CYP19A1: variants seen among roughly 807,000 people sequenced by gnomAD.
CYP19A1 encodes the protein cytochrome P450 family 19 subfamily A member 1, also known as aromatase.
A neutral mutation model predicts 44.4 loss-of-function variants in CYP19A1; 32 were observed. That is an observed-to-expected ratio of 0.72 (90% confidence interval 0.54 to 0.97). CYP19A1 has a LOEUF of 0.97. Ranked by LOEUF, CYP19A1 falls within the 50% of genes least tolerant of loss-of-function variation. CYP19A1 has a pLI of 0.00. For synonymous variants in CYP19A1, 212 were observed against 215.6 expected (o/e 0.98, Z 0.14); for missense variants, 598 against 637.8 (o/e 0.94, Z 0.67).
intron 1 of CYP19A1, among the ~76,000 whole-genome samples, chr15:51,323,528 GA>G (rs1296160770): frequency 6.6e-6 from 1 of 151,422 alleles, no homozygotes; most frequent in Non-Finnish European, 1.5e-5. Flanking sequence ...GTGGTCTTGG[GA>G]AATTTATTTA....
At chr15:51,288,987 G>T (rs935921705) in intron 1 of CYP19A1, among the ~76,000 whole-genome samples, 2 of 152,226 alleles carry the variant, frequency 1.3e-5, no homozygotes, top group Non-Finnish European at 1.5e-5. Flanking sequence ...CCTTCTTGCA[G>T]TGCCAAGAGA....
At chr15:51,320,551 A>G (rs2036509944) in intron 1 of CYP19A1, among the ~76,000 whole-genome samples, 1 of 152,212 alleles carries the variant, frequency 6.6e-6, no homozygotes, top group East Asian at 1.9e-4. Context: ...AGACACTGGC[A>G]ATTTCTGAAG....
intron 1 of CYP19A1, among the ~76,000 whole-genome samples, chr15:51,281,936 G>A (rs1358075593): frequency 6.6e-6 from 1 of 152,122 alleles, no homozygotes; most frequent in Non-Finnish European, 1.5e-5. Flanking sequence ...AATGGAAGCA[G>A]AAAGGGAAGG....
intron 1 of CYP19A1, chr15:51,279,827 T>A (rs965218376): frequency 3.3e-5 from 5 of 152,228 alleles, no homozygotes; most frequent in African/African-American, 1.2e-4. Flanking sequence ...AAGAGGAGGC[T>A]GAAAGAGAAA....
In CYP19A1 at chr15:51,208,237, G is replaced by A. The variant is rs966016700; in HGVS notation, c.*2571C>T. 4 of 152,114 alleles carry A rather than the reference G, an allele frequency of 2.6e-5. No individual in the cohort carries two copies. Among genetic ancestry groups the A allele is most frequent in the Non-Finnish European group, 5.9e-5 (4 of 68,010 alleles). The allele number at this position is 152,114 out of a possible 1,614,324, so 9.4% of individuals were successfully genotyped here. ...AGGTGCTGCTTAGGAATAAAAAGTG[G>A]CAATTTCCAAATGGTATTTCTCAAT... On this transcript the variant is annotated 3_prime_UTR_variant, in exon 10 of 10. Coordinates refer to ENST00000396402, the MANE Select transcript of CYP19A1 (RefSeq NM_000103.4).
At chr15:51,234,683 C>G (rs72727168) in intron 3 of CYP19A1, among the ~76,000 whole-genome samples, 14,709 of 152,110 alleles carry the variant, frequency 0.097, 814 homozygotes, top group Admixed American at 0.18. Flanking sequence ...CCTGTAACCC[C>G]GGGGAGAGGC....
chr15:51,328,318 C>T (rs1191292877), intron 1 of CYP19A1, among the ~76,000 whole-genome samples: 1 of 152,182 alleles, frequency 6.6e-6, no homozygotes. Context: ...TGGACATAAA[C>T]ATTGAGCAGG....
intron 1 of CYP19A1, among the ~76,000 whole-genome samples, chr15:51,251,115 G>C (rs1269898913): frequency 1.3e-5 from 2 of 152,148 alleles, no homozygotes; most frequent in African/African-American, 2.4e-5. Context: ...AACTGCCTCG[G>C]GACACTGAGG....
chr15:51,325,831 C>T lies in CYP19A1; in HGVS notation c.-39+12664G>A, dbSNP rs867515031. Among the ~76,000 whole-genome samples, 7 of 106,662 alleles carry T rather than the reference C, an allele frequency of 6.6e-5. No individual in the cohort carries two copies. In the South Asian group the frequency reaches 1.4e-3, roughly 21 times the overall value. 70.0% of individuals were successfully genotyped at this position (106,662 alleles called of 152,430 possible). Reference sequence around the variant, plus strand: ...CCAGCCTGGTGACAGAGTGAGACTCCGTCTCAAAAAAAAAAAAAAAAAAAA... The same window carrying T: ...CCAGCCTGGTGACAGAGTGAGACTCTGTCTCAAAAAAAAAAAAAAAAAAAA... On this transcript the variant is annotated intron_variant, in intron 1 of 9. Transcript: ENST00000396402.
Position 51,209,374 on chromosome 15 carries a change from T to C in CYP19A1, c.*1434A>G, listed in dbSNP as rs886606407. Reference sequence around the variant, plus strand: ...AAAAGAAAGAAAGTAGCTCCTGCTTTCAGGGAGATTACACTGTCATCTTAT... The same window carrying C: ...AAAAGAAAGAAAGTAGCTCCTGCTTCCAGGGAGATTACACTGTCATCTTAT... On this transcript the variant is annotated 3_prime_UTR_variant, in exon 10 of 10. Transcript: ENST00000396402. The C allele has an allele frequency of 1.3e-5, 2 of 152,190 alleles. No individual in the cohort carries two copies. The highest frequency in any genetic ancestry group is 4.8e-5 in the African/African-American group (2 of 41,438). 9.4% of individuals were successfully genotyped at this position (152,190 alleles called of 1,614,324 possible).
intron 1 of CYP19A1, among the ~76,000 whole-genome samples, chr15:51,281,837 CACAT>C (rs2035529460): frequency 1.3e-5 from 2 of 152,312 alleles, no homozygotes; most frequent in African/African-American, 2.4e-5. Context: ...TGAAAACTGA[CACAT>C]ACACCAATGA....
intron 1 of CYP19A1, among the ~76,000 whole-genome samples, chr15:51,334,417 T>C (rs1426158994): frequency 1.3e-5 from 2 of 152,114 alleles, no homozygotes; most frequent in East Asian, 3.9e-4. Context: ...AGAAAGCACT[T>C]TGAAAACTGA....
chr15:51,223,244 A>G (rs2032265415), intron 4 of CYP19A1, among the ~76,000 whole-genome samples: 1 of 150,106 alleles, frequency 6.7e-6, no homozygotes, highest in African/African-American at 2.5e-5. Context: ...CTTCATACAT[A>G]TTTTTTCAAT....
intron 1 of CYP19A1, among the ~76,000 whole-genome samples, chr15:51,294,581 T>G (rs112886219): frequency 2.2e-5 from 3 of 136,524 alleles, no homozygotes; most frequent in African/African-American, 8.9e-5. Flanking sequence ...GGGAGGGAGG[T>G]GGGGGGATCA....
chr15:51,284,113 C>G (rs1225847577), intron 1 of CYP19A1, among the ~76,000 whole-genome samples: 1 of 152,094 alleles, frequency 6.6e-6, no homozygotes, highest in African/African-American at 2.4e-5. Context: ...GTCTGCCTCC[C>G]CAGGAGAAAG....
At chr15:51,236,079 G>A (rs1419348697) in intron 3 of CYP19A1, among the ~76,000 whole-genome samples, 1 of 152,106 alleles carries the variant, frequency 6.6e-6, no homozygotes, top group Non-Finnish European at 1.5e-5. Context: ...CAATCTGCTA[G>A]TTATCCACAA....
intron 1 of CYP19A1, among the ~76,000 whole-genome samples, chr15:51,305,442 A>G (rs1262067689): frequency 6.6e-6 from 1 of 152,174 alleles, no homozygotes; most frequent in Non-Finnish European, 1.5e-5. Flanking sequence ...CCACAGAGAC[A>G]GGGATGTGGG....
At chr15:51,280,021 C>T (rs1449907636) in intron 1 of CYP19A1, 1 of 152,170 alleles carries the variant, frequency 6.6e-6, no homozygotes, top group Non-Finnish European at 1.5e-5. Flanking sequence ...AACTGTTACT[C>T]CATCCTAGAC....
intron 1 of CYP19A1, among the ~76,000 whole-genome samples, chr15:51,297,276 GC>G (rs1352035911): frequency 6.6e-6 from 1 of 152,160 alleles, no homozygotes; most frequent in Non-Finnish European, 1.5e-5. Context: ...AGCCCGGCCA[GC>G]CCTCTCCCTC....
Sources: allele counts gnomAD v4.1 joint callset (sites outside exome capture counted in the v4.1 genomes callset), GRCh38; gene constraint gnomAD v4.1.1; transcripts MANE v1.5; gene names NCBI Gene and HGNC (gene_info 2026-07-23, HGNC 2026-07-21).